The following RORA variants were observed in gnomAD, a reference collection of about 807,000 sequenced individuals.
RORA encodes the protein nuclear receptor ROR-alpha.
In RORA, 7 loss-of-function variants were observed where a neutral mutation model predicts 69.5. The observed-to-expected ratio is 0.10, with a 90% CI of 0.06 to 0.19. The LOEUF (loss-of-function observed/expected upper bound fraction) is 0.19. RORA is among the 10% of genes least tolerant of loss of function. The pLI is 1.00. For synonymous variants in RORA, 261 were observed against 240.8 expected, an observed-to-expected ratio of 1.08 and a Z score of -0.78; for missense variants, 457 against 663.0, an observed-to-expected ratio of 0.69 and a Z score of 3.41.
intron 5 of RORA, among the ~76,000 whole-genome samples, chr15:60,505,899 A>G (rs1310455673): frequency 2.6e-5 from 4 of 152,158 alleles, no homozygotes; most frequent in Admixed American, 2.6e-4. Context: ...CTTTATACCA[A>G]TGTCTAGGAA....
Position 60,491,293 on chromosome 15 carries a change from T to C in RORA, c.*6162A>G, listed in dbSNP as rs934674876. 2 of 152,186 alleles carry C rather than the reference T, an allele frequency of 1.3e-5. No homozygotes were observed. The highest frequency in any genetic ancestry group is 2.9e-5 in the Non-Finnish European group (2 of 68,010). The allele number at this position is 152,186 out of a possible 1,614,324, so 9.4% of individuals were successfully genotyped here. On this transcript the variant is annotated 3_prime_UTR_variant, in exon 11 of 11. Transcript: ENST00000335670. Reference sequence around the variant, plus strand: ...ACACTGGAGAGAATTTAGTTGTTCTTAGAGAACAACATAATGGCATGTGCA... The same window carrying C: ...ACACTGGAGAGAATTTAGTTGTTCTCAGAGAACAACATAATGGCATGTGCA...
intron 1 of RORA, among the ~76,000 whole-genome samples, chr15:61,085,511 A>G (rs2078611354): frequency 6.6e-6 from 1 of 152,212 alleles, no homozygotes. Flanking sequence ...CCCGCCTGAA[A>G]AGGTTTTAAT....
chr15:61,146,901 G>A (rs1177909555), intron 1 of RORA, among the ~76,000 whole-genome samples: 2 of 151,984 alleles, frequency 1.3e-5, no homozygotes, highest in African/African-American at 2.4e-5. Context: ...GCTTTGTCAG[G>A]GTAGAGGCAG....
chr15:60,690,468 G>A (rs1344787824), intron 1 of RORA, among the ~76,000 whole-genome samples: 1 of 152,218 alleles, frequency 6.6e-6, no homozygotes. Flanking sequence ...CACCCAGACA[G>A]GACCTGTGAG....
At chr15:61,216,827 C>A (rs772303326) in intron 1 of RORA, among the ~76,000 whole-genome samples, 2 of 152,128 alleles carry the variant, frequency 1.3e-5, no homozygotes, top group Non-Finnish European at 2.9e-5. Context: ...AATGAATTTA[C>A]CTAAGGTCAC....
intron 1 of RORA, among the ~76,000 whole-genome samples, chr15:61,209,551 T>C (rs1022472119): frequency 4.6e-5 from 7 of 152,214 alleles, no homozygotes; most frequent in African/African-American, 1.7e-4. Flanking sequence ...CCCCATAAAA[T>C]TTACATGTTA....
At chr15:61,164,408 T>C (rs901241811) in intron 1 of RORA, among the ~76,000 whole-genome samples, 4 of 152,228 alleles carry the variant, frequency 2.6e-5, no homozygotes, top group Non-Finnish European at 5.9e-5. Flanking sequence ...AGCTTGTTTT[T>C]CCTGAACAAT....
At chr15:60,700,391 C>T (rs894295304) in intron 1 of RORA, among the ~76,000 whole-genome samples, 2 of 152,182 alleles carry the variant, frequency 1.3e-5, no homozygotes, top group African/African-American at 4.8e-5. Flanking sequence ...CTTAGCTTTG[C>T]AGAAACTGGA....
chr15:60,569,709 CAG>C (rs1002066515), intron 2 of RORA, among the ~76,000 whole-genome samples: 135 of 152,188 alleles, frequency 8.9e-4, no homozygotes, highest in African/African-American at 3.0e-3. Context: ...ATGGCTTGAA[CAG>C]GGGAGGATGA....
intron 1 of RORA, among the ~76,000 whole-genome samples, chr15:60,796,192 C>T (rs1203328847): frequency 6.6e-6 from 1 of 152,136 alleles, no homozygotes; most frequent in East Asian, 1.9e-4. Flanking sequence ...CTCTCTGTAT[C>T]ACAGTGAGGG....
intron 1 of RORA, among the ~76,000 whole-genome samples, chr15:60,865,111 C>A (rs1020611272): frequency 1.5e-4 from 23 of 152,186 alleles, no homozygotes; most frequent in African/African-American, 4.6e-4. Context: ...ACGTTCTTTC[C>A]ACCACATTCC....
chr15:61,083,795 A>C (rs2078580761), intron 1 of RORA, among the ~76,000 whole-genome samples: 1 of 151,984 alleles, frequency 6.6e-6, no homozygotes, highest in Non-Finnish European at 1.5e-5. Flanking sequence ...CAAACAGAAG[A>C]TGGAATACGT....
intron 1 of RORA, among the ~76,000 whole-genome samples, chr15:60,804,566 G>A (rs929469049): frequency 3.3e-5 from 5 of 152,154 alleles, no homozygotes; most frequent in African/African-American, 1.2e-4. Context: ...GAGCAAGTTC[G>A]TGAATCAGGG....
chr15:60,709,090 C>T (rs2071107971), intron 1 of RORA, among the ~76,000 whole-genome samples: 10 of 152,180 alleles, frequency 6.6e-5, no homozygotes, highest in Admixed American at 6.5e-4. Flanking sequence ...TCCATCCCTT[C>T]CTCCAGGCCT....
chr15:60,882,111 C>T (rs961203830), intron 1 of RORA, among the ~76,000 whole-genome samples: 2 of 152,190 alleles, frequency 1.3e-5, no homozygotes, highest in African/African-American at 4.8e-5. Context: ...TGTTCTGTAT[C>T]TTCCATCTCT....
intron 1 of RORA, among the ~76,000 whole-genome samples, chr15:60,821,182 T>C (rs941757513): frequency 2.0e-5 from 3 of 152,186 alleles, no homozygotes; most frequent in Non-Finnish European, 2.9e-5. Context: ...CCACTGGAGA[T>C]GCCTCCAGTG....
intron 1 of RORA, among the ~76,000 whole-genome samples, chr15:61,150,783 C>T (rs944370151): frequency 6.6e-6 from 1 of 151,976 alleles, no homozygotes. Context: ...TTCTCTTGTT[C>T]TGTTTAAGGC....
chr15:60,555,905 AAAT>A (rs1459186034), intron 2 of RORA, among the ~76,000 whole-genome samples: 1 of 152,164 alleles, frequency 6.6e-6, no homozygotes, highest in Non-Finnish European at 1.5e-5. Flanking sequence ...CTTGCCTGGA[AAAT>A]ATGTTTCTAT....
chr15:61,134,895 G>C (rs2079222379), intron 1 of RORA, among the ~76,000 whole-genome samples: 1 of 151,998 alleles, frequency 6.6e-6, no homozygotes, highest in African/African-American at 2.4e-5. Flanking sequence ...CATAGACCCT[G>C]TCCAATATAC....
Sources: gnomAD v4.1 joint callset for allele counts (sites outside exome capture counted in the v4.1 genomes callset) on GRCh38, gnomAD v4.1.1 for gene constraint, MANE v1.5 for transcripts, NCBI Gene and HGNC (gene_info 2026-07-23, HGNC 2026-07-21) for gene names.